DDC: variants seen among roughly 807,000 people sequenced by gnomAD.
The protein encoded by DDC is dopa decarboxylase, also known as aromatic-L-amino-acid decarboxylase.
In DDC, 43 loss-of-function variants were observed where a neutral mutation model predicts 60.0. That is an observed-to-expected ratio of 0.72 (90% CI 0.56 to 0.92). The LOEUF is 0.92. DDC is among the 40% of genes least tolerant of loss of function. The pLI, the probability that DDC is intolerant of heterozygous loss-of-function variation, is 0.00. For synonymous variants in DDC, 232 were observed against 234.6 expected (o/e 0.99, Z 0.10); for missense variants, 573 against 620.2 (o/e 0.92, Z 0.81).
chr7:50,560,005 CT>C (rs1217399355), intron 1 of DDC, among the ~76,000 whole-genome samples: 2 of 152,200 alleles, frequency 1.3e-5, no homozygotes, highest in East Asian at 3.9e-4. Context: ...AAAGAAACTG[CT>C]GAGAATGGCT....
chr7:50,532,732 A>G (rs2044258616), intron 4 of DDC, among the ~76,000 whole-genome samples: 1 of 152,264 alleles, frequency 6.6e-6, no homozygotes, highest in Non-Finnish European at 1.5e-5. Context: ...AGCTTATATT[A>G]TGAGGGATTG....
intron 6 of DDC, among the ~76,000 whole-genome samples, chr7:50,526,712 C>T (rs1719188910): frequency 1.3e-5 from 2 of 152,126 alleles, no homozygotes; most frequent in Non-Finnish European, 2.9e-5. Flanking sequence ...ACAATCAATG[C>T]TGCTTTCACA....
At chr7:50,476,914 A>G (rs1166053510) in intron 10 of DDC, among the ~76,000 whole-genome samples, 1 of 152,246 alleles carries the variant, frequency 6.6e-6, no homozygotes, top group Non-Finnish European at 1.5e-5. Context: ...GTTACATAGC[A>G]TGAACATCTG....
At chr7:50,466,093 G>A (rs1207220345) in intron 13 of DDC, among the ~76,000 whole-genome samples, 1 of 152,240 alleles carries the variant, frequency 6.6e-6, no homozygotes, top group Non-Finnish European at 1.5e-5. Context: ...CTGACTGGCA[G>A]CCCCTTGACA....
At chr7:50,541,590 T>C (rs1226071319) in intron 2 of DDC, among the ~76,000 whole-genome samples, 1 of 152,156 alleles carries the variant, frequency 6.6e-6, no homozygotes, top group African/African-American at 2.4e-5. Context: ...ACCTCTTGGT[T>C]ACGTGAGTAC....
intron 10 of DDC, 122 bp downstream of exon 10, chr7:50,479,665 G>A (rs115760747): frequency 1.6e-5 from 14 of 898,074 alleles, no homozygotes; most frequent in South Asian, 1.3e-4. Flanking sequence ...ACAGCACCCC[G>A]TCTTCTCTGT....
chr7:50,462,034 T>C (rs185021755), intron 14 of DDC, among the ~76,000 whole-genome samples: 3 of 152,024 alleles, frequency 2.0e-5, no homozygotes, highest in Non-Finnish European at 2.9e-5. Context: ...TTTTCAGATA[T>C]TCACAATTAA....
At chr7:50,519,465 A>G (rs1428255036) in intron 6 of DDC, among the ~76,000 whole-genome samples, 2 of 152,248 alleles carry the variant, frequency 1.3e-5, no homozygotes, top group African/African-American at 4.8e-5. Flanking sequence ...AGCACAATTC[A>G]CAATTGCAAA....
At chr7:50,537,273 AT>A (rs1384169425) in intron 4 of DDC, among the ~76,000 whole-genome samples, 3 of 152,226 alleles carry the variant, frequency 2.0e-5, no homozygotes, top group African/African-American at 7.2e-5. Flanking sequence ...GACAAATAGT[AT>A]TTATAGCCTC....
intron 11 of DDC, among the ~76,000 whole-genome samples, chr7:50,475,521 C>T (rs1304211147): frequency 1.3e-5 from 2 of 152,030 alleles, no homozygotes; most frequent in African/African-American, 4.8e-5. Flanking sequence ...TCACAGCTGT[C>T]ACAGGAAGAA....
chr7:50,536,326 C>T (rs1007071243), intron 4 of DDC, among the ~76,000 whole-genome samples: 1 of 152,198 alleles, frequency 6.6e-6, no homozygotes, highest in Non-Finnish European at 1.5e-5. Flanking sequence ...CTCATGTCCC[C>T]CTAAAATGTA....
chr7:50,458,546 A>G lies in DDC; in HGVS notation c.*316T>C, dbSNP rs1285907660. 3 of 152,260 alleles carry G rather than the reference A, an allele frequency of 2.0e-5. No homozygotes were observed. The highest frequency in any genetic ancestry group is 7.2e-5 in the African/African-American group (3 of 41,472). 9.4% of individuals were successfully genotyped at this position (152,260 alleles called of 1,614,324 possible). On this transcript the variant is annotated 3_prime_UTR_variant, in exon 15 of 15. Coordinates refer to ENST00000444124, the MANE Select transcript of DDC (RefSeq NM_001082971.2). ...GTGAACATTGATTGCCCTGGAAAAT[A>G]TATCAGTGAGGCTTTCCTACCACTT...
At position 50,463,227 on chromosome 7, in the gene DDC, A is replaced by G; in HGVS notation, c.*4T>C. 6.2e-7 allele frequency: 1 copy of G among 1,608,260 alleles called. No individual in the cohort carries two copies. On this transcript the variant is annotated 3_prime_UTR_variant, in exon 14 of 15. Coordinates refer to ENST00000444124, the MANE Select transcript of DDC (RefSeq NM_001082971.2). ...GGGCAGCCTACCTGCAGCTGGCTTCACTCCTACTCCCTCTCTGCTCGCAGC... is the reference window on the plus strand; with the variant it reads ...GGGCAGCCTACCTGCAGCTGGCTTCGCTCCTACTCCCTCTCTGCTCGCAGC...
chr7:50,498,463 C>A (rs150748743), intron 8 of DDC, among the ~76,000 whole-genome samples: 58 of 152,350 alleles, frequency 3.8e-4, no homozygotes, highest in Non-Finnish European at 7.6e-4. Context: ...GGAGAAGAGA[C>A]TTCCTACCCT....
rs147219212 is a variant in DDC, at chr7:50,550,186, G to A, written c.-28-6073C>T. Reference sequence around the variant, plus strand: ...TTGCCACAGCTACCATAACTTTCAGGTACTACCACCCTGACCAGTCAGCAG... The same window carrying A: ...TTGCCACAGCTACCATAACTTTCAGATACTACCACCCTGACCAGTCAGCAG... On this transcript the variant is annotated intron_variant, in intron 1 of 14. Coordinates refer to ENST00000444124, the MANE Select transcript of DDC (RefSeq NM_001082971.2). 3.9e-3 allele frequency among the ~76,000 whole-genome samples: 601 copies of A among 152,228 alleles called. 4 individuals carry two copies. In the Middle Eastern group the frequency reaches 0.044, roughly 11 times the overall value.
intron 11 of DDC, among the ~76,000 whole-genome samples, chr7:50,473,853 G>A (rs1406097550): frequency 2.0e-5 from 3 of 152,238 alleles, no homozygotes; most frequent in Non-Finnish European, 4.4e-5. Context: ...CTGGAGGATC[G>A]AGGTGTCTCA....
chr7:50,528,358 C>G, intron 5 of DDC, 78 bp from the exon 6 acceptor site: 1 of 1,581,626 alleles, frequency 6.3e-7, no homozygotes, highest in South Asian at 1.1e-5. Context: ...CGGCAGAGAG[C>G]AGCCAACATT....
At chr7:50,503,190 C>T (rs7791875) in intron 7 of DDC, among the ~76,000 whole-genome samples, 15,032 of 152,288 alleles carry the variant, frequency 0.099, 769 homozygotes, top group Middle Eastern at 0.13. Flanking sequence ...GATCTGAAGG[C>T]CCCACTTGGG....
chr7:50,522,944 A>G (rs2043939200), intron 6 of DDC, among the ~76,000 whole-genome samples: 1 of 152,202 alleles, frequency 6.6e-6, no homozygotes, highest in African/African-American at 2.4e-5. Flanking sequence ...CTGTTTAAAC[A>G]GCCGGATCTC....
Sources: gnomAD v4.1 joint callset for allele counts (sites outside exome capture counted in the v4.1 genomes callset) on GRCh38, gnomAD v4.1.1 for gene constraint, MANE v1.5 for transcripts, NCBI Gene and HGNC (gene_info 2026-07-23, HGNC 2026-07-21) for gene names.